Variants in DNAH5 observed in about 807,000 individuals in gnomAD.
DNAH5 encodes the protein axonemal beta dynein heavy chain 5.
DNAH5 carries 372 observed loss-of-function variants against 518.2 expected under a neutral mutation model. That is an observed-to-expected ratio of 0.72 (90% CI 0.66 to 0.78). The LOEUF is 0.78. Ranked by LOEUF, DNAH5 falls within the 30% of genes least tolerant of loss-of-function variation. DNAH5 has a pLI of 0.00. For missense variants in DNAH5, 5,523 were observed against 5,687.0 expected (o/e 0.97, Z 0.93); for synonymous variants, 2,039 against 2,025.9 (o/e 1.01, Z -0.17).
At chr5:13,919,468 C>T in intron 6 of DNAH5, 116 bp from the exon 7 acceptor site, 4 of 1,257,170 alleles carry the variant, frequency 3.2e-6, no homozygotes, top group Non-Finnish European at 3.3e-6. Flanking sequence ...ATGATATATG[C>T]GTATTCCATG....
In DNAH5 at chr5:13,814,765, T is replaced by C; in HGVS notation, c.7070A>G (p.Lys2357Arg). ...ENLNSVLDDN[K>R]TLTLANGDRI... ...ATCACCATTGGCAAGGGTTAGAGTT[T>C]TGTTATCATCCAAAACAGAATTCAG... The change falls in exon 43 of 79, where the codon AAA becomes AGA. Residue 2357 changes from lysine (K) to arginine (R), a missense_variant. Coordinates refer to ENST00000265104, the MANE Select transcript of DNAH5 (RefSeq NM_001369.3). The C allele has an allele frequency of 1.2e-6, 2 of 1,614,112 alleles. No homozygotes were observed. Among genetic ancestry groups the C allele is most frequent in the East Asian group, 4.5e-5 (2 of 44,874 alleles).
intron 35 of DNAH5, 97 bp from the exon 36 acceptor site, chr5:13,830,872 C>A (rs1763583475): frequency 8.3e-7 from 1 of 1,207,624 alleles, no homozygotes; most frequent in East Asian, 2.4e-5. Flanking sequence ...GATTAAAAAA[C>A]AAAAGGCCAT....
intron 38 of DNAH5, among the ~76,000 whole-genome samples, chr5:13,825,971 TA>T (rs1273410352): frequency 1.3e-5 from 2 of 152,190 alleles, no homozygotes; most frequent in African/African-American, 4.8e-5. Flanking sequence ...ATGGAGCACA[TA>T]AAAAATATTC....
chr5:13,714,542 T>C lies in DNAH5; in HGVS notation c.12988A>G (p.Lys4330Glu). The change falls in exon 75 of 79, where the codon AAG (lysine) becomes GAG (glutamate). Residue 4330 changes from lysine (K) to glutamate (E), a missense_variant. Physicochemically the swap from Lys to Glu is moderately conservative, Grantham distance 56. Transcript: ENST00000265104. ...ADITYQSKLA[K>E]DVLDTILGIQ... ...CCTAGGATGGTGTCCAGCACGTCCTTGGCCAGCTTGCTCTGGTAGGTGATG... is the reference window on the plus strand; with the variant it reads ...CCTAGGATGGTGTCCAGCACGTCCTCGGCCAGCTTGCTCTGGTAGGTGATG... 2 of 1,614,186 alleles carry C rather than the reference T, an allele frequency of 1.2e-6. No individual in the cohort carries two copies. Among genetic ancestry groups the C allele is most frequent in the Non-Finnish European group, 1.7e-6 (2 of 1,180,024 alleles).
intron 29 of DNAH5, among the ~76,000 whole-genome samples, chr5:13,859,920 C>T (rs571264501): frequency 3.9e-5 from 6 of 152,238 alleles, no homozygotes; most frequent in African/African-American, 1.4e-4. Flanking sequence ...GCTATGGCTA[C>T]GAGAATAATA....
chr5:13,839,662 A>G (rs1423245838), intron 34 of DNAH5, 134 bp from the exon 35 acceptor site: 2 of 754,218 alleles, frequency 2.7e-6, no homozygotes, highest in East Asian at 2.7e-5. Context: ...ACAGGTGTCA[A>G]CTGTATCACC....
At chr5:13,758,346 T>C (rs1487595309) in intron 61 of DNAH5, among the ~76,000 whole-genome samples, 1 of 151,998 alleles carries the variant, frequency 6.6e-6, no homozygotes. Flanking sequence ...CTACAAAAAA[T>C]TAGCCAGGCA....
At chr5:13,708,465 C>G in intron 75 of DNAH5, 130 bp from the exon 76 acceptor site, 1 of 797,660 alleles carries the variant, frequency 1.3e-6, no homozygotes, top group Non-Finnish European at 2.0e-6. Context: ...TAATTTATTG[C>G]ATGGCAAAAA....
In DNAH5 at chr5:13,913,734, G is replaced by C; in HGVS notation, c.1536+9C>G. 6.2e-7 allele frequency: 1 copy of C among 1,613,004 alleles called. No individual in the cohort carries two copies. The highest frequency in any genetic ancestry group is 1.1e-5 in the South Asian group (1 of 91,032). ...TTATGTTATAAAATATAGCTTTAAAGTACAATACCTGGTATTTAGTGGCCA... is the reference window on the plus strand; with the variant it reads ...TTATGTTATAAAATATAGCTTTAAACTACAATACCTGGTATTTAGTGGCCA... On this transcript the variant is annotated intron_variant, in intron 11 of 78. Coordinates refer to ENST00000265104, the MANE Select transcript of DNAH5 (RefSeq NM_001369.3).
chr5:13,925,206 A>G (rs1465448986), intron 3 of DNAH5, among the ~76,000 whole-genome samples: 1 of 152,178 alleles, frequency 6.6e-6, no homozygotes, highest in African/African-American at 2.4e-5. Flanking sequence ...TCTCATGAGT[A>G]ATAAGATGTT....
intron 47 of DNAH5, among the ~76,000 whole-genome samples, chr5:13,803,452 T>G (rs754284512): frequency 6.6e-6 from 1 of 152,092 alleles, no homozygotes; most frequent in Non-Finnish European, 1.5e-5. Flanking sequence ...GATATTAATA[T>G]AGATAAAGAA....
chr5:13,885,925 C>T, intron 18 of DNAH5, 39 bp downstream of exon 18: 2 of 1,586,920 alleles, frequency 1.3e-6, no homozygotes, highest in Non-Finnish European at 1.7e-6. Flanking sequence ...TAGTAAATGT[C>T]ATAGAAAAAC....
chr5:13,799,241 T>C (rs1406684332), intron 47 of DNAH5, among the ~76,000 whole-genome samples: 1 of 146,642 alleles, frequency 6.8e-6, no homozygotes, highest in African/African-American at 2.5e-5. Flanking sequence ...TGTTTGCATT[T>C]GCTAAATTTG....
rs1750323942 is a variant in DNAH5 at position 13,752,138 on chromosome 5, A to ATGGTT, written c.11023_11024insAACCA (p.Phe3675Ter). On this transcript the variant is annotated stop_gained and frameshift_variant, in exon 64 of 79. Coordinates refer to ENST00000265104, the MANE Select transcript of DNAH5 (RefSeq NM_001369.3). LOFTEE classifies it high-confidence loss of function. Reference sequence around the variant, plus strand: ...TCATCCATAGGTTTAACCTACCTTAAAGGTAGACCCAGTTTTAATGAAGTT... The same window carrying ATGGTT: ...TCATCCATAGGTTTAACCTACCTTAATGGTTAGGTAGACCCAGTTTTAATGAAGTT... The ATGGTT allele has an allele frequency of 6.2e-7, 1 of 1,613,794 alleles. No homozygotes were observed. The highest frequency in any genetic ancestry group is 8.5e-7 in the Non-Finnish European group (1 of 1,179,882).
At chr5:13,696,067 A>G (rs1237450585) in intron 78 of DNAH5, among the ~76,000 whole-genome samples, 1 of 152,138 alleles carries the variant, frequency 6.6e-6, no homozygotes, top group Non-Finnish European at 1.5e-5. Context: ...CCAGGCCCAA[A>G]TCTGCACAGT....
chr5:13,765,485 T>C (rs1481275358), intron 59 of DNAH5, among the ~76,000 whole-genome samples: 2 of 152,230 alleles, frequency 1.3e-5, no homozygotes, highest in African/African-American at 4.8e-5. Flanking sequence ...AGTTATTGAC[T>C]TGGTTGGGGC....
intron 65 of DNAH5, among the ~76,000 whole-genome samples, chr5:13,742,498 T>C (rs1227231824): frequency 6.6e-6 from 1 of 152,140 alleles, no homozygotes; most frequent in Non-Finnish European, 1.5e-5. Context: ...ACTTTTCTAA[T>C]CTTATTTCTA....
At chr5:13,794,667 T>TA (rs1402025139) in intron 47 of DNAH5, among the ~76,000 whole-genome samples, 3 of 152,114 alleles carry the variant, frequency 2.0e-5, no homozygotes, top group Non-Finnish European at 1.5e-5. Flanking sequence ...CTGCACTCTG[T>TA]AAAAAACCTT....
intron 1 of DNAH5, among the ~76,000 whole-genome samples, chr5:13,989,458 C>T (rs1200211654): frequency 6.7e-6 from 1 of 148,806 alleles, no homozygotes; most frequent in African/African-American, 2.5e-5. Flanking sequence ...AAATAAATAA[C>T]GTGTGCATAC....
Sources: gnomAD v4.1 joint callset for allele counts (sites outside exome capture counted in the v4.1 genomes callset) on GRCh38, gnomAD v4.1.1 for gene constraint, MANE v1.5 for transcripts, NCBI Gene and HGNC (gene_info 2026-07-23, HGNC 2026-07-21) for gene names.